The following SPAG16 variants were observed in gnomAD, a reference collection of about 807,000 sequenced individuals.
SPAG16 encodes sperm-associated antigen 16 protein.
SPAG16 carries 86 observed loss-of-function variants against 80.4 expected under a neutral mutation model. The observed-to-expected ratio is 1.07, with a 90% CI of 0.90 to 1.28. The LOEUF is 1.28. Among genes scored for constraint, SPAG16 ranks in the 50% most tolerant of loss-of-function variants. SPAG16 has a pLI of 0.00. For synonymous variants in SPAG16, 294 were observed against 265.9 expected, an observed-to-expected ratio of 1.11 and a Z score of -1.03; for missense variants, 870 against 765.3, an observed-to-expected ratio of 1.14 and a Z score of -1.61.
intron 10 of SPAG16, among the ~76,000 whole-genome samples, chr2:213,846,697 C>T (rs1469063728): frequency 6.6e-6 from 1 of 151,832 alleles, no homozygotes; most frequent in Non-Finnish European, 1.5e-5. Context: ...TAATATATGT[C>T]TTTTAATTTA....
chr2:213,394,480 CT>C (rs2067935514), intron 9 of SPAG16, among the ~76,000 whole-genome samples: 1 of 152,028 alleles, frequency 6.6e-6, no homozygotes, highest in African/African-American at 2.4e-5. Flanking sequence ...TCTTGGAAAA[CT>C]ATAATATAGT....
chr2:214,327,448 C>T (rs1320430361), intron 15 of SPAG16, among the ~76,000 whole-genome samples: 3 of 152,210 alleles, frequency 2.0e-5, no homozygotes, highest in African/African-American at 7.2e-5. Context: ...AATGAGACCA[C>T]ATTTCAAGGC....
intron 15 of SPAG16, among the ~76,000 whole-genome samples, chr2:214,408,414 G>A (rs1220746716): frequency 1.3e-5 from 2 of 152,100 alleles, no homozygotes. Context: ...GTAGAAAATG[G>A]TTTATAATAA....
At chr2:213,502,397 A>G (rs1323913547) in intron 10 of SPAG16, among the ~76,000 whole-genome samples, 1 of 152,206 alleles carries the variant, frequency 6.6e-6, no homozygotes, top group Non-Finnish European at 1.5e-5. Flanking sequence ...TGCTAGGATT[A>G]CAGGCATGAG....
At chr2:214,292,259 TG>T (rs1262399719) in intron 15 of SPAG16, among the ~76,000 whole-genome samples, 7 of 152,176 alleles carry the variant, frequency 4.6e-5, no homozygotes, top group African/African-American at 1.7e-4. Context: ...TGGGGATCAC[TG>T]GGCCTTCTGT....
At chr2:213,422,410 C>T (rs1017491712) in intron 9 of SPAG16, 2 of 647,078 alleles carry the variant, frequency 3.1e-6, no homozygotes, top group African/African-American at 1.8e-5. Flanking sequence ...TGGCTGTGCA[C>T]AGTGGCTGGA....
At chr2:214,368,970 G>A (rs553127384) in intron 15 of SPAG16, among the ~76,000 whole-genome samples, 8 of 151,718 alleles carry the variant, frequency 5.3e-5, no homozygotes, top group Middle Eastern at 3.4e-3. Flanking sequence ...GTTCAACTTC[G>A]CCCTTTTGGA....
chr2:214,156,591 A>C (rs1438773162), intron 15 of SPAG16, among the ~76,000 whole-genome samples: 1 of 152,170 alleles, frequency 6.6e-6, no homozygotes, highest in Non-Finnish European at 1.5e-5. Flanking sequence ...TAGCCTGGAC[A>C]ACATAGCAAG....
intron 15 of SPAG16, chr2:214,239,222 T>C (rs1689296761): frequency 6.6e-6 from 1 of 151,910 alleles, no homozygotes. Context: ...GTTGTAGAAA[T>C]GGAGTGCCAC....
At chr2:214,299,224 T>G (rs1694366208) in intron 15 of SPAG16, among the ~76,000 whole-genome samples, 1 of 148,588 alleles carries the variant, frequency 6.7e-6, no homozygotes, top group South Asian at 2.1e-4. Context: ...GGCTAGAATC[T>G]AAAAACAAGT....
intron 15 of SPAG16, among the ~76,000 whole-genome samples, chr2:214,328,046 A>G (rs1176556923): frequency 6.6e-6 from 1 of 152,214 alleles, no homozygotes; most frequent in Non-Finnish European, 1.5e-5. Flanking sequence ...CAGTTTATAA[A>G]TAAAAAATAA....
At chr2:214,263,320 T>A (rs1691315003) in intron 15 of SPAG16, among the ~76,000 whole-genome samples, 1 of 152,180 alleles carries the variant, frequency 6.6e-6, no homozygotes, top group East Asian at 1.9e-4. Flanking sequence ...TCTTAATTAC[T>A]GATTATTTAT....
At chr2:214,217,216 G>A (rs1031315978) in intron 15 of SPAG16, among the ~76,000 whole-genome samples, 1 of 152,238 alleles carries the variant, frequency 6.6e-6, no homozygotes, top group African/African-American at 2.4e-5. Context: ...GGTAAAGCAT[G>A]CAATGCTTAG....
intron 15 of SPAG16, among the ~76,000 whole-genome samples, chr2:214,157,563 G>C (rs1017943128): frequency 2.6e-5 from 4 of 151,962 alleles, no homozygotes; most frequent in Non-Finnish European, 5.9e-5. Context: ...TATTAATTTA[G>C]GGATAATAGT....
At chr2:213,665,144 G>C (rs2063556326) in intron 10 of SPAG16, among the ~76,000 whole-genome samples, 1 of 151,934 alleles carries the variant, frequency 6.6e-6, no homozygotes, top group South Asian at 2.1e-4. Flanking sequence ...ATCTTTTTCT[G>C]TTCTTAGTGC....
At chr2:213,631,565 G>GT (rs988619456) in intron 10 of SPAG16, among the ~76,000 whole-genome samples, 1 of 152,112 alleles carries the variant, frequency 6.6e-6, no homozygotes, top group Non-Finnish European at 1.5e-5. Flanking sequence ...TCATGATGGA[G>GT]TTCTCATGAG....
intron 10 of SPAG16, among the ~76,000 whole-genome samples, chr2:213,752,511 T>G (rs2068122334): frequency 6.6e-6 from 1 of 152,232 alleles, no homozygotes; most frequent in Non-Finnish European, 1.5e-5. Flanking sequence ...TTTTAAGCTT[T>G]CTTTAAACAT....
Position 213,971,871 on chromosome 2 carries a change from G to C in SPAG16, c.1400+41726G>C, listed in dbSNP as rs186797293. On this transcript the variant is annotated intron_variant, in intron 12 of 15. Transcript: ENST00000331683. ...ACATGCTAACATGTGCTATTTTCTT[G>C]TTTTTTGGTTTTTTTTTTTAGTACA... is the stretch of plus-strand genomic sequence containing the variant. Among the ~76,000 whole-genome samples the C allele has an allele frequency of 1.4e-3, 209 of 145,420 alleles. 1 individual carries two copies. Among genetic ancestry groups the C allele is most frequent in the Non-Finnish European group, 2.7e-3 (174 of 65,572 alleles).
intron 14 of SPAG16, among the ~76,000 whole-genome samples, chr2:214,132,856 G>A (rs1420297564): frequency 6.6e-6 from 1 of 152,142 alleles, no homozygotes; most frequent in Non-Finnish European, 1.5e-5. Context: ...ACTTTGGGAG[G>A]CCTAGGCGGG....
Sources: allele counts gnomAD v4.1 joint callset (sites outside exome capture counted in the v4.1 genomes callset), GRCh38; gene constraint gnomAD v4.1.1; transcripts MANE v1.5; gene names NCBI Gene and HGNC (gene_info 2026-07-23, HGNC 2026-07-21).